MED13L: variants seen among roughly 807,000 people sequenced by gnomAD.
The protein encoded by MED13L is mediator complex subunit 13L, also known as mediator of RNA polymerase II transcription subunit 13-like.
In MED13L, 7 loss-of-function variants were observed where a neutral mutation model predicts 220.9. The ratio of observed to expected loss-of-function variants is 0.03; its 90% CI spans 0.02 to 0.06. The LOEUF (loss-of-function observed/expected upper bound fraction) is 0.06. Ranked by LOEUF, MED13L falls within the 10% of genes least tolerant of loss-of-function variation. The pLI is 1.00. For synonymous variants in MED13L, 1,011 were observed against 1,015.2 expected (o/e 1.00, Z 0.08); for missense variants, 1,965 against 2,760.5 (o/e 0.71, Z 6.46).
At chr12:115,981,163 G>A (rs1218676840) in intron 22 of MED13L, among the ~76,000 whole-genome samples, 1 of 152,120 alleles carries the variant, frequency 6.6e-6, no homozygotes, top group Non-Finnish European at 1.5e-5. Flanking sequence ...AAAGATGTAC[G>A]ATTATGTTGG....
chr12:116,131,630 T>C (rs1317832318), intron 2 of MED13L, among the ~76,000 whole-genome samples: 1 of 152,222 alleles, frequency 6.6e-6, no homozygotes, highest in Non-Finnish European at 1.5e-5. Flanking sequence ...TTCACATTTA[T>C]GTATATACAT....
At chr12:116,178,680 T>C (rs1880262183) in intron 2 of MED13L, among the ~76,000 whole-genome samples, 2 of 152,214 alleles carry the variant, frequency 1.3e-5, no homozygotes, top group African/African-American at 4.8e-5. Flanking sequence ...GAATTAGGTC[T>C]GTCTTTATTT....
chr12:116,207,898 C>A (rs1882453517), intron 2 of MED13L, among the ~76,000 whole-genome samples: 1 of 152,066 alleles, frequency 6.6e-6, no homozygotes, highest in Non-Finnish European at 1.5e-5. Context: ...AAATACTATG[C>A]CCCAACTAAA....
At chr12:115,993,192 C>T (rs1326190635) in intron 16 of MED13L, among the ~76,000 whole-genome samples, 2 of 152,108 alleles carry the variant, frequency 1.3e-5, no homozygotes, top group Non-Finnish European at 2.9e-5. Flanking sequence ...TTTTGGTATC[C>T]GAGGGGGTCC....
At chr12:116,141,805 C>T (rs976241364) in intron 2 of MED13L, among the ~76,000 whole-genome samples, 4 of 152,088 alleles carry the variant, frequency 2.6e-5, no homozygotes, top group Admixed American at 1.3e-4. Flanking sequence ...AGTTAGCTCA[C>T]TCATGAGCTA....
chr12:116,069,956 C>T (rs982057922), intron 4 of MED13L, among the ~76,000 whole-genome samples: 1 of 152,178 alleles, frequency 6.6e-6, no homozygotes, highest in Admixed American at 6.5e-5. Flanking sequence ...ATTTGAAACA[C>T]TCCTGGTCCC....
At chr12:116,026,563 G>A (rs907554456) in intron 4 of MED13L, among the ~76,000 whole-genome samples, 2 of 152,136 alleles carry the variant, frequency 1.3e-5, no homozygotes, top group African/African-American at 4.8e-5. Flanking sequence ...TTTAGGGTGG[G>A]CCCCATAAAT....
Position 115,983,423 on chromosome 12 carries a change from G to A in MED13L, c.4649C>T (p.Pro1550Leu). Residue 1550 changes from proline (P) to leucine (L), a missense_variant, in exon 21 of 31, where the codon CCA becomes CTA. Around this residue, in one of 10 missense-constraint regions of MED13L, gnomAD observed 510 missense variants for 620.4 expected, o/e 0.82. Transcript: ENST00000281928. ...ATPGNAGPLA[P>L]NGSAAPPAGS... ...AGCTGGGGGAGCTGCTGATCCATTT[G>A]GAGCTAAGGGCCCAGCATTCCCTGG... 6.2e-7 allele frequency: 1 copy of A among 1,614,208 alleles called. No individual in the cohort carries two copies. Among genetic ancestry groups the A allele is most frequent in the Non-Finnish European group, 8.5e-7 (1 of 1,180,020 alleles).
chr12:116,142,714 T>G (rs1306379441), intron 2 of MED13L, among the ~76,000 whole-genome samples: 1 of 152,046 alleles, frequency 6.6e-6, no homozygotes, highest in Admixed American at 6.6e-5. Flanking sequence ...AAAAAAAAAG[T>G]TCACTTTATT....
intron 1 of MED13L, among the ~76,000 whole-genome samples, chr12:116,254,541 G>A (rs1871869763): frequency 6.6e-6 from 1 of 152,004 alleles, no homozygotes; most frequent in South Asian, 2.1e-4. Context: ...TTTAGGTCAG[G>A]AGTTCAAGAC....
intron 4 of MED13L, among the ~76,000 whole-genome samples, chr12:116,075,776 T>G (rs1870734315): frequency 6.6e-6 from 1 of 152,106 alleles, no homozygotes; most frequent in Non-Finnish European, 1.5e-5. Flanking sequence ...ATCTAATCCA[T>G]CCAGAGAAGC....
chr12:116,003,160 C>G, intron 13 of MED13L, 58 bp from the exon 14 acceptor site: 14 of 1,464,690 alleles, frequency 9.6e-6, no homozygotes, highest in Admixed American at 1.7e-5. Context: ...GGGCAGCATT[C>G]AAATATTTCC....
intron 14 of MED13L, among the ~76,000 whole-genome samples, chr12:116,002,602 T>C (rs1878815365): frequency 6.6e-6 from 1 of 152,152 alleles, no homozygotes; most frequent in African/African-American, 2.4e-5. Context: ...AAATCAAATA[T>C]CCAATATCCT....
At chr12:116,247,380 GTGC>G (rs1379632119) in intron 1 of MED13L, among the ~76,000 whole-genome samples, 3 of 152,160 alleles carry the variant, frequency 2.0e-5, no homozygotes, top group Non-Finnish European at 4.4e-5. Context: ...CCCATAAATT[GTGC>G]TGCAAAAGCC....
intron 1 of MED13L, among the ~76,000 whole-genome samples, chr12:116,263,996 T>C (rs538832327): frequency 6.6e-5 from 10 of 152,268 alleles, no homozygotes; most frequent in African/African-American, 2.4e-4. Context: ...CTGGCATACA[T>C]CCACAACGTA....
At chr12:116,036,944 A>G (rs977323153) in intron 4 of MED13L, among the ~76,000 whole-genome samples, 5 of 152,140 alleles carry the variant, frequency 3.3e-5, no homozygotes, top group African/African-American at 4.8e-5. Flanking sequence ...GCTCTGAGGT[A>G]CTCTTACTAT....
At chr12:116,110,643 G>T (rs1487698397) in intron 3 of MED13L, among the ~76,000 whole-genome samples, 1 of 152,080 alleles carries the variant, frequency 6.6e-6, no homozygotes, top group Non-Finnish European at 1.5e-5. Context: ...AAAGATAACA[G>T]TTAACAAAAT....
chr12:116,021,507 A>T (rs1880058636), intron 5 of MED13L, among the ~76,000 whole-genome samples: 1 of 152,150 alleles, frequency 6.6e-6, no homozygotes, highest in Non-Finnish European at 1.5e-5. Context: ...TAGTTTTATT[A>T]TATTTGGGGC....
In MED13L at chr12:115,983,152, C is replaced by A. The variant is rs1877449076; in HGVS notation, c.4920G>T (p.Gln1640His). 25 of 1,614,086 alleles carry A rather than the reference C, an allele frequency of 1.5e-5. No homozygotes were observed. Among genetic ancestry groups the A allele is most frequent in the Non-Finnish European group, 2.1e-5 (25 of 1,179,970 alleles). ...CATCCTGTGAGGGCTGAGAAGAGCT[C>A]TGCCCAGGGTCAGTGTCTCCACCAC... ...IGCGGDTDPG[Q>H]SSSQPSQDGQ... The change falls in exon 21 of 31, where the codon CAG becomes CAT. Residue 1640 changes from glutamine (Q) to histidine (H), a missense_variant. By Grantham distance (24) the Gln-to-His change is conservative (BLOSUM62 0). Around this residue, in one of 10 missense-constraint regions of MED13L, gnomAD observed 510 missense variants for 620.4 expected, o/e 0.82. Transcript: ENST00000281928.
Sources: allele counts gnomAD v4.1 joint callset (sites outside exome capture counted in the v4.1 genomes callset), GRCh38; gene constraint gnomAD v4.1.1; regional missense constraint gnomAD v4.1.1; transcripts MANE v1.5; gene names NCBI Gene and HGNC (gene_info 2026-07-23, HGNC 2026-07-21).